Variants in KCND2 observed in about 807,000 individuals in gnomAD.
KCND2 encodes potassium voltage-gated channel subfamily D member 2, also known as A-type voltage-gated potassium channel KCND2.
KCND2 carries 16 observed loss-of-function variants against 54.4 expected under a neutral mutation model. That is an observed-to-expected ratio of 0.29 (90% confidence interval 0.20 to 0.45). KCND2 has a LOEUF of 0.45. Among genes scored for constraint, KCND2 ranks in the 20% least tolerant of loss-of-function variants. The pLI is 1.00. For missense variants in KCND2, 486 were observed against 824.2 expected, an observed-to-expected ratio of 0.59 and a Z score of 5.02; for synonymous variants, 317 against 310.7, an observed-to-expected ratio of 1.02 and a Z score of -0.21.
chr7:120,424,322 T>A (rs1376951443), intron 1 of KCND2, among the ~76,000 whole-genome samples: 1 of 152,162 alleles, frequency 6.6e-6, no homozygotes, highest in Non-Finnish European at 1.5e-5. Context: ...TACCACTTGA[T>A]AGAATTGAAC....
rs1333193090 is a variant in KCND2 at position 120,273,253 on chromosome 7, C to T, written c.-1380C>T. 1.3e-5 allele frequency among the ~76,000 whole-genome samples: 2 copies of T among 151,792 alleles called. No individual in the cohort carries two copies. Among genetic ancestry groups the T allele is most frequent in the African/African-American group, 4.8e-5 (2 of 41,418 alleles). Reference sequence around the variant, plus strand: ...TATTGATCGCACTAGCAGAGCAGCGCGGGGAGCCCGGGGAGATGCAGGACC... The same window carrying T: ...TATTGATCGCACTAGCAGAGCAGCGTGGGGAGCCCGGGGAGATGCAGGACC... On this transcript the variant is annotated 5_prime_UTR_variant, in exon 1 of 6. Coordinates refer to ENST00000331113, the MANE Select transcript of KCND2 (RefSeq NM_012281.3).
chr7:120,341,025 A>G (rs960223680), intron 1 of KCND2, among the ~76,000 whole-genome samples: 1 of 152,212 alleles, frequency 6.6e-6, no homozygotes, highest in Non-Finnish European at 1.5e-5. Flanking sequence ...ATTTGTGCAT[A>G]AGGGAAGGTT....
chr7:120,705,923 C>A (rs1430748757), intron 1 of KCND2, among the ~76,000 whole-genome samples: 1 of 151,944 alleles, frequency 6.6e-6, no homozygotes, highest in African/African-American at 2.4e-5. Flanking sequence ...CCCTAATGTC[C>A]CCAGCTCCCT....
chr7:120,597,702 A>G (rs1287127143), intron 1 of KCND2, among the ~76,000 whole-genome samples: 1 of 152,188 alleles, frequency 6.6e-6, no homozygotes, highest in African/African-American at 2.4e-5. Flanking sequence ...AAGTGAAACA[A>G]CCTAAGTGAT....
intron 1 of KCND2, among the ~76,000 whole-genome samples, chr7:120,412,925 C>A (rs1220031727): frequency 6.6e-6 from 1 of 152,030 alleles, no homozygotes; most frequent in Non-Finnish European, 1.5e-5. Flanking sequence ...CCCTTACTGG[C>A]AGATCACTTT....
chr7:120,461,327 T>A (rs1802281180), intron 1 of KCND2, among the ~76,000 whole-genome samples: 1 of 152,136 alleles, frequency 6.6e-6, no homozygotes, highest in Non-Finnish European at 1.5e-5. Flanking sequence ...TTCACTAGGG[T>A]TTCTAGAGCA....
At chr7:120,599,431 T>G (rs757846402) in intron 1 of KCND2, among the ~76,000 whole-genome samples, 6 of 152,080 alleles carry the variant, frequency 3.9e-5, no homozygotes, top group Non-Finnish European at 5.9e-5. Flanking sequence ...GAGTTGGTAT[T>G]TTAATGGTAC....
At chr7:120,321,764 T>A (rs1799895836) in intron 1 of KCND2, among the ~76,000 whole-genome samples, 1 of 152,138 alleles carries the variant, frequency 6.6e-6, no homozygotes, top group African/African-American at 2.4e-5. Context: ...ACACGCTTGC[T>A]GTTCCATATT....
In KCND2 at chr7:120,672,718, A is replaced by G. The variant is rs1584878019; in HGVS notation, c.1116-60185A>G. 5.3e-5 allele frequency among the ~76,000 whole-genome samples: 8 copies of G among 152,156 alleles called. No homozygotes were observed. In the South Asian group the frequency reaches 1.7e-3, roughly 32 times the overall value. The stretch of plus-strand genomic sequence containing the variant: ...CTGACTTGTGTCTCCCTAGAAATTC[A>G]TATGTTGAAACCCTAGCCCCCAGTA... On this transcript the variant is annotated intron_variant, in intron 1 of 5. Transcript: ENST00000331113.
At chr7:120,450,101 A>G (rs1802079876) in intron 1 of KCND2, among the ~76,000 whole-genome samples, 2 of 152,282 alleles carry the variant, frequency 1.3e-5, no homozygotes, top group South Asian at 2.1e-4. Flanking sequence ...TAAGTACATA[A>G]TAGGGGTTCA....
chr7:120,507,299 A>G (rs1347225993), intron 1 of KCND2, among the ~76,000 whole-genome samples: 1 of 151,868 alleles, frequency 6.6e-6, no homozygotes, highest in African/African-American at 2.4e-5. Context: ...TGGAGAGTGG[A>G]GACATCTGTT....
chr7:120,563,935 G>T (rs1181880284), intron 1 of KCND2, among the ~76,000 whole-genome samples: 1 of 152,066 alleles, frequency 6.6e-6, no homozygotes, highest in African/African-American at 2.4e-5. Context: ...ATAAAACTAT[G>T]CTGAAATTGC....
At chr7:120,675,376 C>T (rs1792047038) in intron 1 of KCND2, among the ~76,000 whole-genome samples, 2 of 151,918 alleles carry the variant, frequency 1.3e-5, no homozygotes, top group South Asian at 4.2e-4. Context: ...AGGTATGCAC[C>T]ACCATGCCCA....
At chr7:120,286,939 C>G (rs944697863) in intron 1 of KCND2, among the ~76,000 whole-genome samples, 2 of 151,976 alleles carry the variant, frequency 1.3e-5, no homozygotes, top group East Asian at 3.9e-4. Context: ...TTGAATAAAA[C>G]ATTGCTGAGC....
At chr7:120,719,162 T>C (rs551341578) in intron 1 of KCND2, among the ~76,000 whole-genome samples, 1 of 152,290 alleles carries the variant, frequency 6.6e-6, no homozygotes, top group South Asian at 2.1e-4. Flanking sequence ...TTTAACTTAT[T>C]TTTCACTTTT....
At chr7:120,599,237 T>A (rs1229985994) in intron 1 of KCND2, among the ~76,000 whole-genome samples, 1 of 152,106 alleles carries the variant, frequency 6.6e-6, no homozygotes, top group African/African-American at 2.4e-5. Context: ...TCATAATAGG[T>A]CTTGAAATAA....
chr7:120,426,490 C>A (rs1262382808), intron 1 of KCND2, among the ~76,000 whole-genome samples: 1 of 152,040 alleles, frequency 6.6e-6, no homozygotes, highest in African/African-American at 2.4e-5. Context: ...AATGTTTAAA[C>A]CACATTTCCA....
intron 1 of KCND2, among the ~76,000 whole-genome samples, chr7:120,540,610 A>AG (rs1465611612): frequency 1.3e-5 from 2 of 152,220 alleles, no homozygotes; most frequent in African/African-American, 4.8e-5. Context: ...ATATGCAGTG[A>AG]TGCTCACATT....
intron 1 of KCND2, among the ~76,000 whole-genome samples, chr7:120,519,363 A>C (rs1803247731): frequency 6.6e-6 from 1 of 151,942 alleles, no homozygotes; most frequent in South Asian, 2.1e-4. Flanking sequence ...AAAAACAAAA[A>C]CAAAACCTGC....
Sources: gnomAD v4.1 joint callset for allele counts (sites outside exome capture counted in the v4.1 genomes callset) on GRCh38, gnomAD v4.1.1 for gene constraint, MANE v1.5 for transcripts, NCBI Gene and HGNC (gene_info 2026-07-23, HGNC 2026-07-21) for gene names.